Variants in TFDP2 observed in about 807,000 individuals in gnomAD.
TFDP2 encodes transcription factor Dp-2 (E2F dimerization partner 2).
Under a neutral mutation model 59.3 loss-of-function variants are expected in TFDP2, and 17 were observed. The ratio of observed to expected loss-of-function variants is 0.29; its 90% CI spans 0.20 to 0.43. TFDP2 has a LOEUF of 0.43. Ranked by LOEUF, TFDP2 falls within the 20% of genes least tolerant of loss-of-function variation. The pLI is 1.00. For synonymous variants in TFDP2, 180 were observed against 194.7 expected (o/e 0.92, Z 0.63); for missense variants, 391 against 528.8 (o/e 0.74, Z 2.56).
At chr3:142,139,403 G>A (rs1157718192) in intron 1 of TFDP2, among the ~76,000 whole-genome samples, 1 of 152,160 alleles carries the variant, frequency 6.6e-6, no homozygotes, top group African/African-American at 2.4e-5. Flanking sequence ...ATTTGATCCT[G>A]TCATTATGAT....
chr3:142,112,403 T>G, intron 1 of TFDP2, among the ~76,000 whole-genome samples: 1 of 152,348 alleles, frequency 6.6e-6, no homozygotes, highest in South Asian at 2.1e-4. Flanking sequence ...CACAAAACCA[T>G]GTACTAGTTA....
intron 1 of TFDP2, among the ~76,000 whole-genome samples, chr3:142,106,477 T>TA (rs2061477756): frequency 6.6e-6 from 1 of 152,242 alleles, no homozygotes; most frequent in African/African-American, 2.4e-5. Flanking sequence ...CTTTAATCTA[T>TA]AAATTATTTG....
intron 3 of TFDP2, among the ~76,000 whole-genome samples, chr3:142,021,328 C>T (rs186006134): frequency 6.6e-6 from 1 of 152,138 alleles, no homozygotes; most frequent in Non-Finnish European, 1.5e-5. Flanking sequence ...AAATCTGACA[C>T]GCACATTCCT....
At chr3:142,076,196 G>C (rs1379939785) in intron 3 of TFDP2, among the ~76,000 whole-genome samples, 1 of 136,478 alleles carries the variant, frequency 7.3e-6, no homozygotes, top group African/African-American at 2.9e-5. Flanking sequence ...GGGCAACAGA[G>C]TGAGACTCCG....
At chr3:142,009,844 C>T (rs1042312141) in intron 3 of TFDP2, among the ~76,000 whole-genome samples, 7 of 151,666 alleles carry the variant, frequency 4.6e-5, no homozygotes, top group South Asian at 4.2e-4. Context: ...AATGTTGAGA[C>T]AAGAGACTAT....
At chr3:141,973,222 C>T (rs1050059862) in intron 8 of TFDP2, among the ~76,000 whole-genome samples, 4 of 150,846 alleles carry the variant, frequency 2.7e-5, no homozygotes, top group Non-Finnish European at 5.9e-5. Flanking sequence ...CAGGTTCAAG[C>T]GATTCTCCTG....
intron 3 of TFDP2, among the ~76,000 whole-genome samples, chr3:142,013,931 A>T (rs986980716): frequency 1.3e-4 from 20 of 151,506 alleles, no homozygotes; most frequent in African/African-American, 2.2e-4. Context: ...TCTGAAAAAA[A>T]TTTTTTTTTG....
chr3:141,969,191 GAT>G lies in TFDP2; in HGVS notation c.732+880_732+881del, dbSNP rs768670975. 2.0e-3 allele frequency among the ~76,000 whole-genome samples: 152 copies of G among 74,608 alleles called. 11 individuals carry two copies. The highest frequency in any genetic ancestry group is 7.8e-3 in the Middle Eastern group (1 of 128). The allele number at this position is 74,608 out of a possible 152,430, so 48.9% of individuals were successfully genotyped here. A position where few individuals can be genotyped will look rare whatever the true frequency, so the allele number is the denominator to read the frequency against. On this transcript the variant is annotated intron_variant, in intron 9 of 12. Transcript: ENST00000489671. ...ATATATATATATCTCATATATATGA[GAT>G]ATATATATATAACATATATATATAT...
At chr3:142,075,776 G>A (rs941860779) in intron 3 of TFDP2, among the ~76,000 whole-genome samples, 6 of 149,808 alleles carry the variant, frequency 4.0e-5, no homozygotes, top group Admixed American at 3.4e-4. Context: ...GTGTGGTGGT[G>A]CATATCTGTA....
chr3:142,062,394 A>AT (rs1553793599), intron 3 of TFDP2, among the ~76,000 whole-genome samples: 2 of 141,198 alleles, frequency 1.4e-5, no homozygotes, highest in Admixed American at 7.1e-5. Context: ...TATATTATAT[A>AT]ATATATATGT....
intron 1 of TFDP2, among the ~76,000 whole-genome samples, chr3:142,118,158 A>G (rs1290730091): frequency 1.3e-5 from 2 of 152,080 alleles, no homozygotes; most frequent in African/African-American, 2.4e-5. Context: ...ACAAAATATT[A>G]ATAGAATCAA....
intron 3 of TFDP2, among the ~76,000 whole-genome samples, chr3:142,070,628 C>A (rs1045391009): frequency 6.6e-5 from 10 of 152,004 alleles, no homozygotes; most frequent in Non-Finnish European, 1.3e-4. Context: ...GGTTGAGTAC[C>A]GTTACATATG....
chr3:142,100,209 A>AC (rs2061277928), intron 2 of TFDP2, among the ~76,000 whole-genome samples: 2 of 152,198 alleles, frequency 1.3e-5, no homozygotes, highest in Admixed American at 1.3e-4. Flanking sequence ...ATCTTTCCTC[A>AC]CACACTGTGC....
intron 3 of TFDP2, among the ~76,000 whole-genome samples, chr3:142,039,007 C>G (rs986568696): frequency 2.2e-4 from 34 of 152,100 alleles, no homozygotes; most frequent in Non-Finnish European, 5.0e-4. Flanking sequence ...AATTTTAAGC[C>G]TTTTGATATG....
chr3:142,097,574 A>G (rs2061199047), intron 2 of TFDP2, among the ~76,000 whole-genome samples: 1 of 152,238 alleles, frequency 6.6e-6, no homozygotes, highest in African/African-American at 2.4e-5. Flanking sequence ...TAGTTCCGCT[A>G]CTGGAGAGGC....
At chr3:141,990,678 G>A (rs2108160031) in intron 6 of TFDP2, among the ~76,000 whole-genome samples, 1 of 152,282 alleles carries the variant, frequency 6.6e-6, no homozygotes, top group Admixed American at 6.5e-5. Context: ...TTTGGAAAGA[G>A]AGGGTCTTGG....
intron 6 of TFDP2, among the ~76,000 whole-genome samples, chr3:141,992,392 TCTTA>T (rs979050610): frequency 6.6e-6 from 1 of 152,216 alleles, no homozygotes; most frequent in African/African-American, 2.4e-5. Context: ...TCTTTAGAAT[TCTTA>T]CTTACAAAGG....
intron 1 of TFDP2, among the ~76,000 whole-genome samples, chr3:142,117,774 GGTA>G (rs1284149541): frequency 6.6e-6 from 1 of 152,012 alleles, no homozygotes; most frequent in East Asian, 1.9e-4. Context: ...TTGTAAACAA[GGTA>G]ATGAATGAAA....
At chr3:141,995,228 T>C in intron 4 of TFDP2, 87 bp from the exon 5 acceptor site, 1 of 1,170,828 alleles carries the variant, frequency 8.5e-7, no homozygotes, top group Non-Finnish European at 1.1e-6. Context: ...CTAACCTACA[T>C]ATGAGGAAAC....
Sources: allele counts gnomAD v4.1 joint callset (sites outside exome capture counted in the v4.1 genomes callset), GRCh38; gene constraint gnomAD v4.1.1; transcripts MANE v1.5; gene names NCBI Gene and HGNC (gene_info 2026-07-23, HGNC 2026-07-21).